Variants in KCNQ5 observed in about 807,000 individuals in gnomAD.
KCNQ5 encodes the protein potassium voltage-gated channel subfamily KQT member 5.
A neutral mutation model predicts 98.2 loss-of-function variants in KCNQ5; 30 were observed. The observed-to-expected ratio is 0.31, with a 90% CI of 0.23 to 0.41. The LOEUF (loss-of-function observed/expected upper bound fraction) is 0.41. Among genes scored for constraint, KCNQ5 ranks in the 10% least tolerant of loss-of-function variants. The pLI, the probability that KCNQ5 is intolerant of heterozygous loss-of-function variation, is 1.00. For synonymous variants in KCNQ5, 458 were observed against 449.4 expected (o/e 1.02, Z -0.24); for missense variants, 835 against 1,182.5 (o/e 0.71, Z 4.31).
chr6:72,741,438 C>T (rs1469130990), intron 1 of KCNQ5, among the ~76,000 whole-genome samples: 3 of 152,028 alleles, frequency 2.0e-5, no homozygotes, highest in Non-Finnish European at 4.4e-5. Context: ...CCCAATGTCT[C>T]GTAGGGCAGT....
At chr6:72,910,758 G>A (rs1779911244) in intron 1 of KCNQ5, among the ~76,000 whole-genome samples, 1 of 152,070 alleles carries the variant, frequency 6.6e-6, no homozygotes, top group Non-Finnish European at 1.5e-5. Flanking sequence ...ACCGAAAGAG[G>A]ATAAAAGTGA....
intron 1 of KCNQ5, among the ~76,000 whole-genome samples, chr6:72,932,059 G>T (rs139292479): frequency 2.0e-5 from 3 of 152,266 alleles, no homozygotes; most frequent in Non-Finnish European, 2.9e-5. Context: ...GATGTGGGGA[G>T]TTCCTCATGA....
chr6:72,930,943 T>C (rs1765668760), intron 1 of KCNQ5, among the ~76,000 whole-genome samples: 1 of 152,198 alleles, frequency 6.6e-6, no homozygotes, highest in African/African-American at 2.4e-5. Context: ...CTGTTAGTCA[T>C]ACTTAAAGTA....
At chr6:72,974,232 A>G (rs1171823185) in intron 1 of KCNQ5, among the ~76,000 whole-genome samples, 1 of 152,246 alleles carries the variant, frequency 6.6e-6, no homozygotes, top group Non-Finnish European at 1.5e-5. Flanking sequence ...CTTTTGCACT[A>G]CAACTGCAGT....
At chr6:72,868,131 A>G (rs1778067216) in intron 1 of KCNQ5, among the ~76,000 whole-genome samples, 1 of 152,038 alleles carries the variant, frequency 6.6e-6, no homozygotes, top group Non-Finnish European at 1.5e-5. Flanking sequence ...CTTCCAGACA[A>G]GGAGGTAAAT....
At chr6:73,100,841 A>G (rs944715954) in intron 5 of KCNQ5, among the ~76,000 whole-genome samples, 25 of 152,124 alleles carry the variant, frequency 1.6e-4, no homozygotes, top group African/African-American at 6.0e-4. Context: ...AAGGATCATT[A>G]GAGGCTACTG....
At chr6:73,188,315 C>T (rs548307076) in intron 11 of KCNQ5, among the ~76,000 whole-genome samples, 6 of 152,286 alleles carry the variant, frequency 3.9e-5, no homozygotes, top group Non-Finnish European at 7.3e-5. Context: ...TTATCAAGTG[C>T]TATTGAAGAC....
At chr6:73,007,878 G>A (rs1164623501) in intron 2 of KCNQ5, among the ~76,000 whole-genome samples, 2 of 152,108 alleles carry the variant, frequency 1.3e-5, no homozygotes, top group African/African-American at 2.4e-5. Flanking sequence ...GGATTAAAAC[G>A]ATCCTCCCCA....
intron 9 of KCNQ5, chr6:73,129,749 G>A (rs779345740): frequency 7.8e-6 from 12 of 1,542,184 alleles, no homozygotes; most frequent in Middle Eastern, 1.7e-4. Flanking sequence ...TTTCCTATTC[G>A]TGAAATGCTT....
intron 1 of KCNQ5, among the ~76,000 whole-genome samples, chr6:72,810,003 T>A (rs979306466): frequency 9.9e-5 from 15 of 152,168 alleles, no homozygotes; most frequent in African/African-American, 3.6e-4. Flanking sequence ...CCTGAATGAT[T>A]AAGAAATAGC....
chr6:72,834,883 C>T (rs1161665403), intron 1 of KCNQ5, among the ~76,000 whole-genome samples: 4 of 152,094 alleles, frequency 2.6e-5, no homozygotes, highest in Admixed American at 6.5e-5. Context: ...GTCCCATGCA[C>T]TTTATTTCAT....
intron 1 of KCNQ5, among the ~76,000 whole-genome samples, chr6:72,702,905 T>C (rs1470001768): frequency 6.6e-6 from 1 of 152,198 alleles, no homozygotes; most frequent in African/African-American, 2.4e-5. Context: ...AAAGGGACTT[T>C]ACTAATCTTT....
chr6:72,691,248 G>T (rs923291748), intron 1 of KCNQ5, among the ~76,000 whole-genome samples: 3 of 152,178 alleles, frequency 2.0e-5, no homozygotes, highest in African/African-American at 7.2e-5. Context: ...AAGTTGGAAT[G>T]TATAGTTCTA....
At chr6:73,052,446 C>T (rs567791141) in intron 3 of KCNQ5, among the ~76,000 whole-genome samples, 1 of 152,122 alleles carries the variant, frequency 6.6e-6, no homozygotes, top group Non-Finnish European at 1.5e-5. Context: ...GTCAGATTCT[C>T]TAAGGTCAAA....
chr6:72,771,630 T>G (rs1772888310), intron 1 of KCNQ5, among the ~76,000 whole-genome samples: 1 of 149,754 alleles, frequency 6.7e-6, no homozygotes, highest in Non-Finnish European at 1.5e-5. Flanking sequence ...TGTTAAGACA[T>G]TTGAATATAG....
At chr6:72,683,076 C>T (rs761293254) in intron 1 of KCNQ5, among the ~76,000 whole-genome samples, 2 of 152,172 alleles carry the variant, frequency 1.3e-5, no homozygotes, top group Non-Finnish European at 2.9e-5. Context: ...TGGAAGATGG[C>T]GTCCTTACTG....
chr6:73,057,417 C>T (rs1340890384), intron 3 of KCNQ5, among the ~76,000 whole-genome samples: 1 of 151,930 alleles, frequency 6.6e-6, no homozygotes, highest in Non-Finnish European at 1.5e-5. Context: ...CAACATGGCA[C>T]ATGTATACAT....
chr6:72,888,940 A>T (rs184580994), intron 1 of KCNQ5, among the ~76,000 whole-genome samples: 7 of 152,202 alleles, frequency 4.6e-5, no homozygotes, highest in Non-Finnish European at 7.4e-5. Flanking sequence ...CTGTATGTAC[A>T]TCTATGTGTC....
At chr6:73,136,723 C>G (rs1776487204) in intron 10 of KCNQ5, 1 of 152,148 alleles carries the variant, frequency 6.6e-6, no homozygotes. Context: ...TCTTGGGAAA[C>G]TGGAAGTTCT....
Sources: gnomAD v4.1 joint callset for allele counts (sites outside exome capture counted in the v4.1 genomes callset) on GRCh38, gnomAD v4.1.1 for gene constraint, MANE v1.5 for transcripts, NCBI Gene and HGNC (gene_info 2026-07-23, HGNC 2026-07-21) for gene names.